The following PCDHGB5 variants were observed in gnomAD, a reference collection of about 807,000 sequenced individuals.
PCDHGB5 encodes the protein protocadherin gamma-B5.
PCDHGB5 carries 48 observed loss-of-function variants against 62.9 expected under a neutral mutation model. The observed-to-expected ratio is 0.76, with a 90% CI of 0.61 to 0.97. The LOEUF (loss-of-function observed/expected upper bound fraction) is 0.97. Among genes scored for constraint, PCDHGB5 ranks in the 50% least tolerant of loss-of-function variants. The pLI, the probability that PCDHGB5 is intolerant of heterozygous loss-of-function variation, is 0.00. For missense variants in PCDHGB5, 1,118 were observed against 1,198.6 expected, an observed-to-expected ratio of 0.93 and a Z score of 0.99; for synonymous variants, 474 against 511.2, an observed-to-expected ratio of 0.93 and a Z score of 0.98.
At chr5:141,500,223 T>TTG (rs1227708024) in intron 2 of PCDHGB5, among the ~76,000 whole-genome samples, 1 of 145,320 alleles carries the variant, frequency 6.9e-6, no homozygotes, top group Non-Finnish European at 1.5e-5. Flanking sequence ...TTTATTTATT[T>TTG]ATTGATACGT....
rs1561663429 is a variant in PCDHGB5 at position 141,398,237 on chromosome 5, T to C, written c.110T>C (p.Ile37Thr). 4.1e-6 allele frequency: 6 copies of C among 1,479,416 alleles called. No homozygotes were observed. In the African/African-American group the frequency reaches 8.6e-5, roughly 21 times the overall value. The allele number at this position is 1,479,416 out of a possible 1,614,324, so 91.6% of individuals were successfully genotyped here. ...CTCTGTGAGCAGATCCGCTACAGGA[T>C]TCCCGAGGAAATGCCCAAGGGCTCC... Reference protein sequence around the residue: ...PALCEQIRYRIPEEMPKGSVV... With the variant: ...PALCEQIRYRTPEEMPKGSVV... Residue 37 changes from isoleucine (I) to threonine (T), a missense_variant, in exon 1 of 4, where the codon ATT becomes ACT. By Grantham distance (89) the Ile-to-Thr change is moderately conservative. Around this residue, in one of 2 missense-constraint regions of PCDHGB5, gnomAD observed 84 missense variants for 169.5 expected, o/e 0.50. Transcript: ENST00000617380.
rs2096153349 is a variant in PCDHGB5 at position 141,417,731 on chromosome 5, C to G, written c.2397+17207C>G. 2.2e-6 allele frequency: 3 copies of G among 1,378,810 alleles called. No homozygotes were observed. In the East Asian group the frequency reaches 7.6e-5, roughly 35 times the overall value. 85.4% of individuals were successfully genotyped at this position (1,378,810 alleles called of 1,614,324 possible). A position where few individuals can be genotyped will look rare whatever the true frequency, so the allele number is the denominator to read the frequency against. On this transcript the variant is annotated intron_variant, in intron 1 of 3. Coordinates refer to ENST00000617380, the MANE Select transcript of PCDHGB5 (RefSeq NM_018925.3). ...AGGCTCCCGGCTGCGCAGACCTTGC[C>G]CAGCACACCAGATTGCCAGCTCCGA...
intron 1 of PCDHGB5, chr5:141,419,822 T>A: frequency 6.2e-7 from 1 of 1,614,058 alleles, no homozygotes; most frequent in Non-Finnish European, 8.5e-7. Flanking sequence ...GCCACCCCTT[T>A]CAGCCACTGC....
At chr5:141,420,770 T>G (rs1485978181) in intron 1 of PCDHGB5, among the ~76,000 whole-genome samples, 1 of 152,202 alleles carries the variant, frequency 6.6e-6, no homozygotes, top group Non-Finnish European at 1.5e-5. Flanking sequence ...AGTTTTCAGC[T>G]CCAGTAATAT....
intron 3 of PCDHGB5, among the ~76,000 whole-genome samples, chr5:141,506,363 C>T (rs1013247178): frequency 4.0e-5 from 6 of 150,792 alleles, no homozygotes; most frequent in South Asian, 4.2e-4. Context: ...GCAGGAGAAT[C>T]GCTTGAACCT....
intron 1 of PCDHGB5, 41 bp from the exon 2 acceptor site, chr5:141,494,766 C>T (rs1017994327): frequency 6.2e-7 from 1 of 1,614,038 alleles, no homozygotes; most frequent in Non-Finnish European, 8.5e-7. Flanking sequence ...ATTCTAACTT[C>T]TCACGGGTAC....
At chr5:141,419,297 G>A (rs1460451634) in intron 1 of PCDHGB5, 1 of 1,614,048 alleles carries the variant, frequency 6.2e-7, no homozygotes, top group Admixed American at 1.7e-5. Context: ...CTCTGACCCA[G>A]ACTTCGGGCT....
chr5:141,399,528 C>A lies in PCDHGB5; in HGVS notation c.1401C>A (p.Ile467=). The A allele has an allele frequency of 6.2e-7, 1 of 1,614,046 alleles. No homozygotes were observed. The highest frequency in any genetic ancestry group is 8.5e-7 in the Non-Finnish European group (1 of 1,179,892). The change falls in exon 1 of 4, where the codon ATC becomes ATA. Residue 467 remains isoleucine, a synonymous_variant. Coordinates refer to ENST00000617380, the MANE Select transcript of PCDHGB5 (RefSeq NM_018925.3). ...AAAACAACCCTCCTGGGGCCTCCATCGCGCAAGTCTGCGCCTCGGACCTGG... is the reference window on the plus strand; with the variant it reads ...AAAACAACCCTCCTGGGGCCTCCATAGCGCAAGTCTGCGCCTCGGACCTGG... The part of the protein sequence containing the change: ...VPENNPPGAS[I]AQVCASDLDL...
In PCDHGB5 at chr5:141,476,042, T is replaced by C. The variant is rs199923442; in HGVS notation, c.2398-18765T>C. On this transcript the variant is annotated intron_variant, in intron 1 of 3. Coordinates refer to ENST00000617380, the MANE Select transcript of PCDHGB5 (RefSeq NM_018925.3). The surrounding 1 kb of genome is among the most constrained non-coding windows in gnomAD (Gnocchi z 7.6). Reference sequence around the variant, plus strand: ...GACTCGGCGCCCAGCGCCCAAGCGCTAACCCGCTGAAAGTTTCTCAGCGAA... The same window carrying C: ...GACTCGGCGCCCAGCGCCCAAGCGCCAACCCGCTGAAAGTTTCTCAGCGAA... 1.4e-5 allele frequency: 21 copies of C among 1,491,832 alleles called. No individual in the cohort carries two copies. The highest frequency in any genetic ancestry group is 2.7e-6 in the Non-Finnish European group (3 of 1,123,808). 92.4% of individuals were successfully genotyped at this position (1,491,832 alleles called of 1,614,324 possible). A position where few individuals can be genotyped will look rare whatever the true frequency, so the allele number is the denominator to read the frequency against.
At position 141,428,173 on chromosome 5, in the gene PCDHGB5, C is replaced by T. The variant is rs192741775; in HGVS notation, c.2397+27649C>T. The T allele has an allele frequency of 3.3e-6, 5 of 1,514,730 alleles. No homozygotes were observed. In the East Asian group the frequency reaches 9.1e-5, roughly 28 times the overall value. 93.8% of individuals were successfully genotyped at this position (1,514,730 alleles called of 1,614,324 possible). A position where few individuals can be genotyped will look rare whatever the true frequency, so the allele number is the denominator to read the frequency against. On this transcript the variant is annotated intron_variant, in intron 1 of 3. Transcript: ENST00000617380. ...GGAACCTGCTGGTTGCTGTGCGTGA[C>T]GGAGGACAGCCGCCGCTCTCTGCGC... is the stretch of plus-strand genomic sequence containing the variant.
At chr5:141,465,323 G>A (rs757662972) in intron 1 of PCDHGB5, among the ~76,000 whole-genome samples, 1 of 152,138 alleles carries the variant, frequency 6.6e-6, no homozygotes, top group Non-Finnish European at 1.5e-5. Flanking sequence ...TGTCAATGCA[G>A]TATTTTTTAT....
chr5:141,409,881 C>T (rs2095330257), intron 1 of PCDHGB5: 1 of 1,612,978 alleles, frequency 6.2e-7, no homozygotes, highest in Non-Finnish European at 8.5e-7. Context: ...GACAACGCAC[C>T]GCGGGTGCTG....
intron 1 of PCDHGB5, chr5:141,422,386 A>G: frequency 1.3e-6 from 2 of 1,587,922 alleles, no homozygotes; most frequent in Non-Finnish European, 1.7e-6. Flanking sequence ...CTCCTGTTTT[A>G]TTCCTAACCA....
chr5:141,438,063 A>T (rs540817874), intron 1 of PCDHGB5, among the ~76,000 whole-genome samples: 1 of 152,106 alleles, frequency 6.6e-6, no homozygotes, highest in Non-Finnish European at 1.5e-5. Context: ...CTTTTAAGAA[A>T]CCATACTTAA....
chr5:141,489,247 C>T lies in PCDHGB5; in HGVS notation c.2398-5560C>T. 6.5e-7 allele frequency: 1 copy of T among 1,546,012 alleles called. No individual in the cohort carries two copies. The highest frequency in any genetic ancestry group is 8.7e-7 in the Non-Finnish European group (1 of 1,146,298). ...ACAAAGGGACTTCTGGGTCATGGGGCCCAAGACACTCCCACAGCTCGCTGG... is the reference window on the plus strand; with the variant it reads ...ACAAAGGGACTTCTGGGTCATGGGGTCCAAGACACTCCCACAGCTCGCTGG... On this transcript the variant is annotated intron_variant, in intron 1 of 3. Coordinates refer to ENST00000617380, the MANE Select transcript of PCDHGB5 (RefSeq NM_018925.3). This position sits in a 1 kb window ranked among gnomAD's most constrained non-coding sequence, Gnocchi z 4.5.
chr5:141,432,584 C>T lies in PCDHGB5; in HGVS notation c.2397+32060C>T, dbSNP rs762935149. The T allele has an allele frequency of 2.3e-5, 37 of 1,613,854 alleles. No individual in the cohort carries two copies. The highest frequency in any genetic ancestry group is 3.3e-4 in the Middle Eastern group (2 of 6,018). On this transcript the variant is annotated intron_variant, in intron 1 of 3. Coordinates refer to ENST00000617380, the MANE Select transcript of PCDHGB5 (RefSeq NM_018925.3). The surrounding 1 kb of genome is among the most constrained non-coding windows in gnomAD (Gnocchi z 6.0). ...GAACGCCTGGCTGTCCTACCGTCTG[C>T]TCAAGGCCAGCGAGCCGGGACTCTT...
chr5:141,424,084 A>G, intron 1 of PCDHGB5: 1 of 929,764 alleles, frequency 1.1e-6, no homozygotes, highest in Non-Finnish European at 1.3e-6. Context: ...ATATTCCACC[A>G]TTATTTGCTA....
chr5:141,487,438 G>A lies in PCDHGB5; in HGVS notation c.2398-7369G>A, dbSNP rs2154580826. 6 of 1,614,174 alleles carry A rather than the reference G, an allele frequency of 3.7e-6. No individual in the cohort carries two copies. Among genetic ancestry groups the A allele is most frequent in the East Asian group, 2.2e-5 (1 of 44,866 alleles). On this transcript the variant is annotated intron_variant, in intron 1 of 3. Transcript: ENST00000617380. This position sits in a 1 kb window ranked among gnomAD's most constrained non-coding sequence, Gnocchi z 5.0. The stretch of plus-strand genomic sequence containing the variant: ...ATGGGATCCTCCGAATCCAGCTAGG[G>A]TCAGATGACCCTATCAAGTTTGTTG...
chr5:141,411,237 T>C (rs1472710660), intron 1 of PCDHGB5: 1 of 152,116 alleles, frequency 6.6e-6, no homozygotes, highest in Non-Finnish European at 1.5e-5. Flanking sequence ...GAAGACTTAG[T>C]GAATTTACGA....
Sources: allele counts gnomAD v4.1 joint callset (sites outside exome capture counted in the v4.1 genomes callset), GRCh38; gene constraint gnomAD v4.1.1; regional missense constraint gnomAD v4.1.1; non-coding constraint Gnocchi (gnomAD v3.1); transcripts MANE v1.5; gene names NCBI Gene and HGNC (gene_info 2026-07-23, HGNC 2026-07-21).